Variants in BCL7A observed in about 807,000 individuals in gnomAD.
BCL7A encodes BAF chromatin remodeling complex subunit BCL7A.
BCL7A carries 11 observed loss-of-function variants against 28.4 expected under a neutral mutation model. The ratio of observed to expected loss-of-function variants is 0.39; its 90% CI spans 0.24 to 0.64. The LOEUF (loss-of-function observed/expected upper bound fraction) is 0.64, where lower values mean the gene tolerates loss of function less well. Ranked by LOEUF, BCL7A falls within the 30% of genes least tolerant of loss-of-function variation. The pLI, the probability that BCL7A is intolerant of heterozygous loss-of-function variation, is 0.50. For missense variants in BCL7A, 222 were observed against 274.8 expected (o/e 0.81, Z 1.36); for synonymous variants, 123 against 103.3 (o/e 1.19, Z -1.15).
At chr12:122,035,693 CAGG>C (rs1416685649) in intron 3 of BCL7A, among the ~76,000 whole-genome samples, 4 of 152,346 alleles carry the variant, frequency 2.6e-5, no homozygotes, top group Non-Finnish European at 5.9e-5. Context: ...AAGAACCCCG[CAGG>C]AGATGTTTCT....
chr12:122,058,161 C>A (rs1224186799), intron 5 of BCL7A, among the ~76,000 whole-genome samples: 1 of 152,092 alleles, frequency 6.6e-6, no homozygotes, highest in African/African-American at 2.4e-5. Flanking sequence ...GACCACTACA[C>A]CCCAGCCTGA....
At chr12:122,031,244 G>T (rs1192716439) in intron 2 of BCL7A, among the ~76,000 whole-genome samples, 1 of 152,102 alleles carries the variant, frequency 6.6e-6, no homozygotes, top group African/African-American at 2.4e-5. Flanking sequence ...GGCCAGGCTC[G>T]TCTTGAACTC....
intron 3 of BCL7A, among the ~76,000 whole-genome samples, chr12:122,038,431 CA>C (rs56376395): frequency 0.09 from 2,987 of 33,036 alleles, 25 homozygotes; most frequent in East Asian, 0.22. Context: ...GACTCTGCCT[CA>C]AAAAAAAAAA....
rs1229766739 is a variant in BCL7A, at chr12:122,029,427, GA to G, written c.93-1272del. Among the ~76,000 whole-genome samples the G allele has an allele frequency of 6.6e-6, 1 of 152,176 alleles. No homozygotes were observed. The highest frequency in any genetic ancestry group is 2.4e-5 in the African/African-American group (1 of 41,440). ...AGCATGTGAGGGCCACATGCCCCAC[GA>G]GGGGGTGATCTAAGGCTGAGTTTGG... On this transcript the variant is annotated intron_variant, in intron 1 of 5. Transcript: ENST00000261822. The surrounding 1 kb of genome is among the most constrained non-coding windows in gnomAD (Gnocchi z 4.3).
rs1245177668 is a variant in BCL7A, at chr12:122,060,868, A to C, written c.*1705A>C. 1 of 225,586 alleles carries C rather than the reference A, an allele frequency of 4.4e-6. No individual in the cohort carries two copies. The highest frequency in any genetic ancestry group is 8.8e-6 in the Non-Finnish European group (1 of 113,976). 14.0% of individuals were successfully genotyped at this position (225,586 alleles called of 1,614,324 possible). Reference sequence around the variant, plus strand: ...AATGTTCCTGAATTTCAAATACCTCATGCAAAATGTCTCCTGAAATAAGGG... The same window carrying C: ...AATGTTCCTGAATTTCAAATACCTCCTGCAAAATGTCTCCTGAAATAAGGG... On this transcript the variant is annotated 3_prime_UTR_variant, in exon 6 of 6. Transcript: ENST00000261822.
chr12:122,025,170 G>C (rs1316457631), intron 1 of BCL7A, among the ~76,000 whole-genome samples: 4 of 152,144 alleles, frequency 2.6e-5, no homozygotes, highest in African/African-American at 9.7e-5. Flanking sequence ...GAAGACCCCA[G>C]GGCGATGGTA....
At chr12:122,023,981 G>A (rs1044267373) in intron 1 of BCL7A, among the ~76,000 whole-genome samples, 5 of 152,294 alleles carry the variant, frequency 3.3e-5, no homozygotes, top group South Asian at 2.1e-4. Flanking sequence ...GTTCCCGGCT[G>A]GACAGAGGCT....
At chr12:122,049,017 TA>T (rs60471036) in intron 4 of BCL7A, among the ~76,000 whole-genome samples, 2,475 of 90,364 alleles carry the variant, frequency 0.027, 62 homozygotes, top group African/African-American at 0.072. Context: ...GTGAAACGTG[TA>T]AAAAAAAAAA....
intron 3 of BCL7A, among the ~76,000 whole-genome samples, chr12:122,035,752 C>T (rs934610130): frequency 2.6e-5 from 4 of 152,214 alleles, no homozygotes; most frequent in Admixed American, 2.0e-4. Flanking sequence ...TATGTTTCTT[C>T]GCCCCCTCAT....
intron 2 of BCL7A, 43 bp downstream of exon 2, chr12:122,030,824 G>A (rs749883077): frequency 2.5e-5 from 40 of 1,572,954 alleles, no homozygotes; most frequent in Admixed American, 2.0e-4. Context: ...CCACCCATTC[G>A]TGCTCCTCCC....
intron 1 of BCL7A, among the ~76,000 whole-genome samples, chr12:122,030,359 G>A (rs914474995): frequency 1.3e-5 from 2 of 152,238 alleles, no homozygotes; most frequent in East Asian, 1.9e-4. Context: ...AGACAGGCGC[G>A]GGTGGCCCAG....
chr12:122,030,582 T>C, intron 1 of BCL7A, 118 bp from the exon 2 acceptor site: 1 of 932,328 alleles, frequency 1.1e-6, no homozygotes, highest in Non-Finnish European at 1.7e-6. Context: ...AGGGTGGAGC[T>C]GGGATTCCAA....
intron 1 of BCL7A, among the ~76,000 whole-genome samples, chr12:122,028,092 G>T (rs1248893155): frequency 6.6e-6 from 1 of 152,172 alleles, no homozygotes; most frequent in Non-Finnish European, 1.5e-5. Context: ...CCTCCGGGTG[G>T]CTGCTTAGCT....
rs574720496 is a variant in BCL7A at position 122,039,033 on chromosome 12, G to A, written c.271+3606G>A. ...CTACAAAAAAAACAATAGGTGGTTC[G>A]TATCTATAGTCCCAGCATTCTGGGA... On this transcript the variant is annotated intron_variant, in intron 3 of 5. Coordinates refer to ENST00000261822, the MANE Select transcript of BCL7A (RefSeq NM_001024808.3). Among the ~76,000 whole-genome samples the A allele has an allele frequency of 4.0e-4, 61 of 151,998 alleles. 1 individual carries two copies. Among genetic ancestry groups the A allele is most frequent in the Admixed American group, 1.5e-3 (23 of 15,226 alleles).
chr12:122,034,135 A>G (rs1436045424), intron 2 of BCL7A, among the ~76,000 whole-genome samples: 3 of 140,880 alleles, frequency 2.1e-5, no homozygotes, highest in Non-Finnish European at 4.7e-5. Context: ...GCATGCACAC[A>G]CACACACATC....
At chr12:122,047,154 G>A (rs1470703375) in intron 4 of BCL7A, among the ~76,000 whole-genome samples, 2 of 151,342 alleles carry the variant, frequency 1.3e-5, no homozygotes. Context: ...CACCCACCTC[G>A]GCCTCCTAAA....
chr12:122,025,337 A>T (rs1883598523), intron 1 of BCL7A, among the ~76,000 whole-genome samples: 1 of 151,660 alleles, frequency 6.6e-6, no homozygotes, highest in Non-Finnish European at 1.5e-5. Flanking sequence ...AGAAAAAGAA[A>T]AAAAAGAGCC....
At chr12:122,024,580 C>T (rs1169091) in intron 1 of BCL7A, among the ~76,000 whole-genome samples, 37,146 of 151,536 alleles carry the variant, frequency 0.25, 5,412 homozygotes, top group East Asian at 0.48. Flanking sequence ...GTCTTAGACT[C>T]AGCCCATGAG....
intron 1 of BCL7A, among the ~76,000 whole-genome samples, chr12:122,025,521 G>A (rs1883606180): frequency 6.6e-6 from 1 of 151,940 alleles, no homozygotes; most frequent in Non-Finnish European, 1.5e-5. Flanking sequence ...CAGCTACTTG[G>A]GAGGCTGAGG....
Sources: allele counts gnomAD v4.1 joint callset (sites outside exome capture counted in the v4.1 genomes callset), GRCh38; gene constraint gnomAD v4.1.1; non-coding constraint Gnocchi (gnomAD v3.1); transcripts MANE v1.5; gene names NCBI Gene and HGNC (gene_info 2026-07-23, HGNC 2026-07-21).